GNAO1: variants seen among roughly 807,000 people sequenced by gnomAD.
The protein encoded by GNAO1 is G protein subunit alpha o1.
For missense variants in GNAO1, 166 were observed against 478.7 expected (o/e 0.35, Z 6.10); for synonymous variants, 164 against 180.7 (o/e 0.91, Z 0.74).
chr16:56,223,092 C>T (rs988647833), intron 2 of GNAO1, among the ~76,000 whole-genome samples: 4 of 152,154 alleles, frequency 2.6e-5, no homozygotes, highest in Admixed American at 6.5e-5. Flanking sequence ...TTTTACAGTT[C>T]TATTGGTCAG....
intron 2 of GNAO1, among the ~76,000 whole-genome samples, chr16:56,266,944 C>T (rs1435623739): frequency 1.3e-5 from 2 of 152,148 alleles, no homozygotes; most frequent in African/African-American, 4.8e-5. Context: ...AGAAAGCCCT[C>T]CCAGTCCCCA....
chr16:56,247,261 A>G (rs1054581357), intron 2 of GNAO1, among the ~76,000 whole-genome samples: 1 of 152,132 alleles, frequency 6.6e-6, no homozygotes, highest in Non-Finnish European at 1.5e-5. Flanking sequence ...TGGGGTGCAC[A>G]GTTTCCTTTA....
chr16:56,301,735 G>A (rs1046303530), intron 3 of GNAO1: 1 of 152,168 alleles, frequency 6.6e-6, no homozygotes, highest in African/African-American at 2.4e-5. Flanking sequence ...GCCCGGCGGA[G>A]TGGCTCAGTC....
intron 6 of GNAO1, chr16:56,345,855 G>A (rs985759748): frequency 3.8e-4 from 370 of 985,476 alleles, no homozygotes; most frequent in Non-Finnish European, 3.7e-4. Context: ...AGAAGCAGCC[G>A]GCAAAAGGGG....
chr16:56,331,897 C>G (rs1045660132), intron 4 of GNAO1, among the ~76,000 whole-genome samples: 1 of 152,202 alleles, frequency 6.6e-6, no homozygotes, highest in African/African-American at 2.4e-5. Flanking sequence ...TCCCATCCTC[C>G]CACTAGAAGC....
intron 2 of GNAO1, among the ~76,000 whole-genome samples, chr16:56,203,435 G>C (rs1408536254): frequency 1.3e-5 from 2 of 152,106 alleles, no homozygotes; most frequent in East Asian, 3.9e-4. Context: ...GGTCCTCACT[G>C]GGCTGGAATG....
intron 2 of GNAO1, among the ~76,000 whole-genome samples, chr16:56,200,225 C>T (rs1443325191): frequency 6.6e-6 from 1 of 152,146 alleles, no homozygotes; most frequent in African/African-American, 2.4e-5. Context: ...GCCTGGGTGT[C>T]CCTTCCCACC....
At chr16:56,194,957 G>A (rs1042951541) in intron 2 of GNAO1, among the ~76,000 whole-genome samples, 16 of 152,082 alleles carry the variant, frequency 1.1e-4, no homozygotes, top group African/African-American at 1.9e-4. Flanking sequence ...ACTTCCCCAG[G>A]AAAGTCCTCT....
chr16:56,198,049 A>G (rs1274026120), intron 2 of GNAO1, among the ~76,000 whole-genome samples: 5 of 152,230 alleles, frequency 3.3e-5, no homozygotes, highest in Non-Finnish European at 7.3e-5. Flanking sequence ...CCAAACTGAA[A>G]AAAACAAAAC....
At chr16:56,227,081 G>T (rs1472503218) in intron 2 of GNAO1, among the ~76,000 whole-genome samples, 4 of 152,292 alleles carry the variant, frequency 2.6e-5, no homozygotes, top group East Asian at 1.9e-4. Context: ...GGAAAAAGAG[G>T]AAGGTGGGGA....
At chr16:56,348,129 G>A (rs2143694201) in intron 6 of GNAO1, 6 of 965,352 alleles carry the variant, frequency 6.2e-6, no homozygotes, top group Non-Finnish European at 7.4e-6. Flanking sequence ...TCTAGTTATT[G>A]TAATAATTTA....
At chr16:56,335,921 A>T (rs949076282) in intron 5 of GNAO1, among the ~76,000 whole-genome samples, 2 of 152,086 alleles carry the variant, frequency 1.3e-5, no homozygotes, top group Non-Finnish European at 2.9e-5. Context: ...AGCCCACACT[A>T]ATCTCTGCCT....
chr16:56,309,193 C>T (rs374671960), intron 3 of GNAO1, among the ~76,000 whole-genome samples: 13 of 152,144 alleles, frequency 8.5e-5, no homozygotes, highest in Middle Eastern at 3.4e-3. Flanking sequence ...CTCCCTTCTA[C>T]GAGGACAGTG....
chr16:56,331,044 A>T (rs1324523311), intron 4 of GNAO1, among the ~76,000 whole-genome samples: 1 of 152,242 alleles, frequency 6.6e-6, no homozygotes, highest in Non-Finnish European at 1.5e-5. Flanking sequence ...TGGGCCCAGT[A>T]TAGAAAGCAG....
chr16:56,192,970 CTG>C (rs1413181274), intron 2 of GNAO1: 5 of 225,500 alleles, frequency 2.2e-5, no homozygotes, highest in Non-Finnish European at 3.6e-5. Flanking sequence ...CCATTTCTGT[CTG>C]TGTCTCTGTT....
At chr16:56,279,926 A>C (rs1310923499) in intron 3 of GNAO1, among the ~76,000 whole-genome samples, 3 of 152,044 alleles carry the variant, frequency 2.0e-5, no homozygotes, top group Non-Finnish European at 4.4e-5. Flanking sequence ...TCACCTCCTC[A>C]CTCCAGCAGC....
At chr16:56,310,952 C>G (rs1325202229) in intron 3 of GNAO1, among the ~76,000 whole-genome samples, 1 of 152,056 alleles carries the variant, frequency 6.6e-6, no homozygotes, top group African/African-American at 2.4e-5. Context: ...TCTTAAGAGC[C>G]TTGACCCAGA....
At chr16:56,315,004 C>G (rs902856246) in intron 3 of GNAO1, among the ~76,000 whole-genome samples, 9 of 152,202 alleles carry the variant, frequency 5.9e-5, no homozygotes, top group Admixed American at 3.9e-4. Context: ...TGCACCTTTT[C>G]TAACAAAACA....
At chr16:56,238,097 A>G (rs914312387) in intron 2 of GNAO1, among the ~76,000 whole-genome samples, 1 of 152,050 alleles carries the variant, frequency 6.6e-6, no homozygotes, top group African/African-American at 2.4e-5. Flanking sequence ...GGGTCCCATC[A>G]CAGATCCCCC....
Sources: allele counts gnomAD v4.1 joint callset (sites outside exome capture counted in the v4.1 genomes callset), GRCh38; gene constraint gnomAD v4.1.1; transcripts MANE v1.5; gene names NCBI Gene and HGNC (gene_info 2026-07-23, HGNC 2026-07-21).